Variants in KANSL3 observed in about 807,000 individuals in gnomAD.
KANSL3 encodes NSL complex protein NSL3.
A neutral mutation model predicts 89.2 loss-of-function variants in KANSL3; 16 were observed. The ratio of observed to expected loss-of-function variants is 0.18; its 90% confidence interval spans 0.12 to 0.27. KANSL3 has a LOEUF of 0.27. Ranked by LOEUF, KANSL3 falls within the 10% of genes least tolerant of loss-of-function variation. The pLI, the probability that KANSL3 is intolerant of heterozygous loss-of-function variation, is 1.00. For synonymous variants in KANSL3, 385 were observed against 419.7 expected (o/e 0.92, Z 1.01); for missense variants, 879 against 1,110.6 (o/e 0.79, Z 2.96).
chr2:96,585,757 A>G, the KANSL3 span, among the ~76,000 whole-genome samples: 1 of 152,210 alleles, frequency 6.6e-6, no homozygotes, highest in Admixed American at 6.5e-5. Flanking sequence ...TGTGGTATAT[A>G]TATACCATGG....
chr2:96,585,004 T>C, the KANSL3 span, among the ~76,000 whole-genome samples: 1 of 152,248 alleles, frequency 6.6e-6, no homozygotes, highest in Non-Finnish European at 1.5e-5. Flanking sequence ...AGTCTGATTC[T>C]GGCTCAAACG....
intron 18 of KANSL3, 42 bp from the exon 19 acceptor site, chr2:96,602,380 A>T: frequency 6.8e-7 from 1 of 1,474,698 alleles, no homozygotes; most frequent in Non-Finnish European, 9.3e-7. Flanking sequence ...GCTGTCGCCC[A>T]ACAGCAACAT....
chr2:96,621,562 C>G (rs1474469572), intron 3 of KANSL3, among the ~76,000 whole-genome samples: 1 of 151,224 alleles, frequency 6.6e-6, no homozygotes, highest in Non-Finnish European at 1.5e-5. Context: ...GTAGCATGTG[C>G]CTGTAGTTCC....
At chr2:96,587,501 T>C in the KANSL3 span, among the ~76,000 whole-genome samples, 1 of 152,124 alleles carries the variant, frequency 6.6e-6, no homozygotes, top group South Asian at 2.1e-4. Flanking sequence ...TTCCACCCCA[T>C]CTGGCAGTAA....
intron 14 of KANSL3, chr2:96,607,011 A>G (rs1244173811): frequency 1.6e-6 from 2 of 1,289,834 alleles, no homozygotes; most frequent in Non-Finnish European, 1.0e-6. Flanking sequence ...AGCTTTCCTC[A>G]CCAGCATATT....
At chr2:96,609,189 C>A in intron 12 of KANSL3, 125 bp from the exon 13 acceptor site, 1 of 894,626 alleles carries the variant, frequency 1.1e-6, no homozygotes, top group Non-Finnish European at 1.7e-6. Flanking sequence ...CAGTCCTTCC[C>A]CACTCAAACA....
intron 20 of KANSL3, chr2:96,600,746 G>C: frequency 2.0e-6 from 2 of 985,434 alleles, no homozygotes; most frequent in Non-Finnish European, 2.4e-6. Context: ...ACTTGAAAAG[G>C]TCACAGGGGA....
the KANSL3 span, among the ~76,000 whole-genome samples, chr2:96,584,109 G>A: frequency 6.6e-6 from 1 of 151,946 alleles, no homozygotes; most frequent in Non-Finnish European, 1.5e-5. Flanking sequence ...GTGTGTCCTC[G>A]GTCAAATACA....
At position 96,595,648 on chromosome 2, in the gene KANSL3, A is replaced by C; in HGVS notation, c.2617-17T>G. The C allele has an allele frequency of 6.2e-7, 1 of 1,613,580 alleles. No individual in the cohort carries two copies. The highest frequency in any genetic ancestry group is 2.2e-5 in the East Asian group (1 of 44,872). On this transcript the variant is annotated splice_polypyrimidine_tract_variant and intron_variant, in intron 20 of 20. Transcript: ENST00000431828. Reference sequence around the variant, plus strand: ...AGGCAGGCGCTGTGGCAGGAGAGGTAGTGAAGAAGGGTCAAAGCTTTGACA... The same window carrying C: ...AGGCAGGCGCTGTGGCAGGAGAGGTCGTGAAGAAGGGTCAAAGCTTTGACA...
chr2:96,604,815 C>A lies in KANSL3; in HGVS notation c.1982G>T (p.Gly661Val). ...GAGAAGTCCTGTGAGCTCCTTGGCC[C>A]CTGCTGAAGCCTGCCCCAGTGTCAT... ...ITMTLGQASA[G>V]AKELTGLLTT... The change falls in exon 16 of 21, where the codon GGG becomes GTG. Residue 661 changes from glycine to valine, a missense_variant. Physicochemically the swap from Gly to Val is moderately radical, Grantham distance 109. Around this residue, in one of 6 missense-constraint regions of KANSL3, gnomAD observed 317 missense variants for 311.2 expected, o/e 1.02. Coordinates refer to ENST00000431828, the MANE Select transcript of KANSL3 (RefSeq NM_001115016.3). 6.3e-7 allele frequency: 1 copy of A among 1,599,710 alleles called. No homozygotes were observed. Among genetic ancestry groups the A allele is most frequent in the Non-Finnish European group, 8.5e-7 (1 of 1,173,284 alleles).
intron 20 of KANSL3, among the ~76,000 whole-genome samples, chr2:96,598,712 C>T (rs939522746): frequency 6.6e-6 from 1 of 152,078 alleles, no homozygotes; most frequent in Non-Finnish European, 1.5e-5. Flanking sequence ...GAGTTCAAGA[C>T]AAGCCTGGAC....
chr2:96,621,820 T>C (rs925860850), intron 3 of KANSL3, among the ~76,000 whole-genome samples: 3 of 151,748 alleles, frequency 2.0e-5, no homozygotes, highest in African/African-American at 7.3e-5. Flanking sequence ...TCAACTCTAC[T>C]TCAAAATTAA....
At chr2:96,602,930 C>T (rs2067396011) in intron 17 of KANSL3, 68 bp from the exon 18 acceptor site, 2 of 1,428,052 alleles carry the variant, frequency 1.4e-6, no homozygotes, top group Non-Finnish European at 2.0e-6. Flanking sequence ...GCAGCCACAT[C>T]CATCCACCCT....
chr2:96,618,388 C>T (rs928885842), intron 5 of KANSL3, among the ~76,000 whole-genome samples: 1 of 152,156 alleles, frequency 6.6e-6, no homozygotes, highest in African/African-American at 2.4e-5. Flanking sequence ...CAAGGTCTTG[C>T]TATGTTGCTC....
chr2:96,583,037 C>T, the KANSL3 span, among the ~76,000 whole-genome samples: 1 of 152,322 alleles, frequency 6.6e-6, no homozygotes, highest in Middle Eastern at 3.4e-3. Flanking sequence ...TCAACCCAAC[C>T]TCTGCTATTT....
At chr2:96,619,268 C>A in intron 5 of KANSL3, 91 bp downstream of exon 5, 1 of 1,252,896 alleles carries the variant, frequency 8.0e-7, no homozygotes, top group South Asian at 1.5e-5. Context: ...TCCAGACCGA[C>A]CAGATAATTA....
chr2:96,584,955 C>T, the KANSL3 span, among the ~76,000 whole-genome samples: 5 of 152,198 alleles, frequency 3.3e-5, no homozygotes, highest in African/African-American at 1.2e-4. Flanking sequence ...ACATTAATGA[C>T]TTCTTGAAGC....
At chr2:96,600,288 C>T (rs1039190239) in intron 20 of KANSL3, 4 of 321,436 alleles carry the variant, frequency 1.2e-5, no homozygotes, top group Admixed American at 6.5e-5. Flanking sequence ...AGGCTATTAA[C>T]AGTGAACATC....
intron 3 of KANSL3, among the ~76,000 whole-genome samples, chr2:96,621,707 C>T (rs540365422): frequency 8.6e-5 from 13 of 151,956 alleles, no homozygotes; most frequent in Non-Finnish European, 1.9e-4. Context: ...AAAATGACTG[C>T]CATTTCATTA....
Sources: allele counts gnomAD v4.1 joint callset (sites outside exome capture counted in the v4.1 genomes callset), GRCh38; gene constraint gnomAD v4.1.1; regional missense constraint gnomAD v4.1.1; transcripts MANE v1.5; gene names NCBI Gene and HGNC (gene_info 2026-07-23, HGNC 2026-07-21).